The following ATXN1 variants were observed in gnomAD, a reference collection of about 807,000 sequenced individuals.
ATXN1 encodes ataxin-1.
In ATXN1, 8 loss-of-function variants were observed where a neutral mutation model predicts 56.4. The ratio of observed to expected loss-of-function variants is 0.14; its 90% CI spans 0.08 to 0.26. The LOEUF is 0.26. ATXN1 is among the 10% of genes least tolerant of loss of function. The pLI is 1.00. For synonymous variants in ATXN1, 514 were observed against 494.6 expected (o/e 1.04, Z -0.52); for missense variants, 987 against 1,106.5 (o/e 0.89, Z 1.53).
intron 4 of ATXN1, among the ~76,000 whole-genome samples, chr6:16,560,936 AC>A (rs1432930926): frequency 6.6e-6 from 1 of 152,226 alleles, no homozygotes; most frequent in Admixed American, 6.5e-5. Context: ...AAATGAAAAA[AC>A]AACCTCTTGT....
chr6:16,454,604 T>C, intron 6 of ATXN1, among the ~76,000 whole-genome samples: 1 of 152,186 alleles, frequency 6.6e-6, no homozygotes, highest in Non-Finnish European at 1.5e-5. Flanking sequence ...TGTTAATTAT[T>C]ATTGCTACAC....
intron 2 of ATXN1, among the ~76,000 whole-genome samples, chr6:16,697,781 A>G (rs976183231): frequency 6.6e-6 from 1 of 152,198 alleles, no homozygotes; most frequent in Non-Finnish European, 1.5e-5. Flanking sequence ...CCAAACATGG[A>G]TTAAACAGCG....
intron 5 of ATXN1, among the ~76,000 whole-genome samples, chr6:16,487,330 GA>G (rs957173968): frequency 2.9e-4 from 43 of 149,928 alleles, no homozygotes; most frequent in Non-Finnish European, 4.9e-4. Context: ...CATTTCTGAG[GA>G]AAAAAAACAA....
chr6:16,361,627 C>T (rs976250772), intron 6 of ATXN1, among the ~76,000 whole-genome samples: 10 of 152,140 alleles, frequency 6.6e-5, no homozygotes, highest in Non-Finnish European at 1.5e-5. Flanking sequence ...TGACTCTCAA[C>T]TTAACTTGCA....
At chr6:16,371,189 T>C (rs1384551036) in intron 6 of ATXN1, among the ~76,000 whole-genome samples, 1 of 152,222 alleles carries the variant, frequency 6.6e-6, no homozygotes, top group Non-Finnish European at 1.5e-5. Flanking sequence ...GAAGGAACTG[T>C]TTTAATTGGT....
chr6:16,503,461 G>A (rs1296384685), intron 5 of ATXN1, among the ~76,000 whole-genome samples: 4 of 152,152 alleles, frequency 2.6e-5, no homozygotes, highest in African/African-American at 9.7e-5. Context: ...CCCTTGGCAG[G>A]TGATCTCTTT....
At chr6:16,489,480 T>G (rs373815107) in intron 5 of ATXN1, among the ~76,000 whole-genome samples, 2 of 152,154 alleles carry the variant, frequency 1.3e-5, no homozygotes, top group East Asian at 1.9e-4. Flanking sequence ...TTAGTGGAAT[T>G]TGAACAGTTG....
intron 4 of ATXN1, among the ~76,000 whole-genome samples, chr6:16,562,949 G>A (rs1189325932): frequency 6.6e-6 from 1 of 151,702 alleles, no homozygotes; most frequent in Non-Finnish European, 1.5e-5. Context: ...TAACCTAGGT[G>A]ACAAAGCCTC....
chr6:16,461,106 C>T (rs1409671033), intron 6 of ATXN1, among the ~76,000 whole-genome samples: 1 of 152,218 alleles, frequency 6.6e-6, no homozygotes, highest in African/African-American at 2.4e-5. Flanking sequence ...AGAAGGAAAC[C>T]ACTGGGCAGA....
intron 4 of ATXN1, among the ~76,000 whole-genome samples, chr6:16,563,123 A>T (rs1466436059): frequency 6.6e-6 from 1 of 152,140 alleles, no homozygotes; most frequent in African/African-American, 2.4e-5. Flanking sequence ...AAGAGAGTAG[A>T]AGGATTCATG....
intron 1 of ATXN1, among the ~76,000 whole-genome samples, chr6:16,759,806 C>T (rs1761012985): frequency 6.6e-6 from 1 of 151,968 alleles, no homozygotes. Flanking sequence ...ATTGTTTCAT[C>T]CCTTTCAGTC....
intron 6 of ATXN1, among the ~76,000 whole-genome samples, chr6:16,336,874 T>G (rs1339422972): frequency 6.6e-6 from 1 of 152,206 alleles, no homozygotes; most frequent in Admixed American, 6.5e-5. Flanking sequence ...TAGTAGTGTT[T>G]TTTGACCCCA....
chr6:16,313,328 G>A (rs368522983), intron 7 of ATXN1, among the ~76,000 whole-genome samples: 7 of 152,226 alleles, frequency 4.6e-5, no homozygotes, highest in Non-Finnish European at 7.3e-5. Flanking sequence ...ACAGAGGTGC[G>A]AGGGTCACTC....
At chr6:16,400,024 G>A (rs1292795646) in intron 6 of ATXN1, among the ~76,000 whole-genome samples, 2 of 152,140 alleles carry the variant, frequency 1.3e-5, no homozygotes, top group East Asian at 3.9e-4. Context: ...GGAGCATGTG[G>A]GAAATGCAGA....
intron 4 of ATXN1, among the ~76,000 whole-genome samples, chr6:16,553,579 T>A (rs1225763077): frequency 9.2e-5 from 14 of 152,216 alleles, no homozygotes; most frequent in Non-Finnish European, 1.6e-4. Flanking sequence ...CTTCAGAACT[T>A]AGCACTCTGC....
intron 6 of ATXN1, among the ~76,000 whole-genome samples, chr6:16,456,109 C>T (rs1276014105): frequency 6.6e-6 from 1 of 152,150 alleles, no homozygotes; most frequent in African/African-American, 2.4e-5. Context: ...TCCTGTCGCT[C>T]TTCACAGTTA....
chr6:16,425,803 C>T (rs1427494379), intron 6 of ATXN1, among the ~76,000 whole-genome samples: 2 of 152,134 alleles, frequency 1.3e-5, no homozygotes, highest in Non-Finnish European at 2.9e-5. Context: ...ATCACCTGCT[C>T]CCTCACTCAA....
At chr6:16,332,240 G>C (rs1761008675) in intron 6 of ATXN1, among the ~76,000 whole-genome samples, 1 of 152,138 alleles carries the variant, frequency 6.6e-6, no homozygotes, top group African/African-American at 2.4e-5. Context: ...ACTGATAAGG[G>C]GAAACCCACG....
At chr6:16,313,800 G>A (rs180002) in intron 7 of ATXN1, among the ~76,000 whole-genome samples, 42,898 of 151,976 alleles carry the variant, frequency 0.28, 7,547 homozygotes, top group Non-Finnish European at 0.39. Context: ...GATCTCAGGC[G>A]ATCTGCCCGC....
Sources: allele counts gnomAD v4.1 joint callset (sites outside exome capture counted in the v4.1 genomes callset), GRCh38; gene constraint gnomAD v4.1.1; transcripts MANE v1.5; gene names NCBI Gene and HGNC (gene_info 2026-07-23, HGNC 2026-07-21).